SRRM4: variants seen among roughly 807,000 people sequenced by gnomAD.
SRRM4 encodes serine/arginine repetitive matrix protein 4.
In SRRM4, 33 loss-of-function variants were observed where a neutral mutation model predicts 68.9. That is an observed-to-expected ratio of 0.48 (90% CI 0.36 to 0.64). The LOEUF (loss-of-function observed/expected upper bound fraction) is 0.64. SRRM4 is among the 30% of genes least tolerant of loss of function. SRRM4 has a pLI of 0.00. For synonymous variants in SRRM4, 318 were observed against 318.8 expected (o/e 1.00, Z 0.03); for missense variants, 817 against 827.1 (o/e 0.99, Z 0.15).
chr12:119,089,922 T>G (rs997736660), intron 1 of SRRM4, among the ~76,000 whole-genome samples: 4 of 152,252 alleles, frequency 2.6e-5, no homozygotes, highest in African/African-American at 9.6e-5. Context: ...TTAACATCTC[T>G]GATAACATTT....
chr12:119,133,242 T>A lies in SRRM4; in HGVS notation c.771+2408T>A, dbSNP rs200113737. 2.6e-5 allele frequency: 4 copies of A among 152,262 alleles called. No homozygotes were observed. The East Asian group carries it at 7.7e-4, about 29-fold the overall frequency. 9.4% of individuals were successfully genotyped at this position (152,262 alleles called of 1,614,324 possible). On this transcript the variant is annotated intron_variant, in intron 8 of 12. Transcript: ENST00000267260. ...GTTTTAGAGTATAACAGGCAAGAAG[T>A]AAATGCTGCATAATGCTTACTGCTT... is the stretch of plus-strand genomic sequence containing the variant.
chr12:119,063,955 T>C (rs757544487), intron 1 of SRRM4, among the ~76,000 whole-genome samples: 1 of 152,142 alleles, frequency 6.6e-6, no homozygotes, highest in Non-Finnish European at 1.5e-5. Flanking sequence ...CATACCATGA[T>C]CCTGGGCTAT....
In SRRM4 at chr12:119,125,452, A is replaced by G; in HGVS notation, c.587A>G (p.Glu196Gly). Residue 196 changes from glutamate to glycine, a missense_variant, in exon 7 of 13, where the codon GAG (glutamate) becomes GGG (glycine). By Grantham distance (98) the Glu-to-Gly change is moderately conservative (BLOSUM62 -2). Transcript: ENST00000267260. ...TGCCCCTCGCGGTCCCAGAGCTCGG[A>G]GTCCCGCCCCTCAAGCTGTGAGAGC... The part of the protein sequence containing the change: ...HRCPSRSQSS[E>G]SRPSSCESRH... The G allele has an allele frequency of 1.9e-6, 3 of 1,611,944 alleles. No homozygotes were observed. Among genetic ancestry groups the G allele is most frequent in the Non-Finnish European group, 1.7e-6 (2 of 1,179,346 alleles).
At chr12:119,038,894 G>A (rs936153936) in intron 1 of SRRM4, among the ~76,000 whole-genome samples, 1 of 152,202 alleles carries the variant, frequency 6.6e-6, no homozygotes, top group African/African-American at 2.4e-5. Flanking sequence ...ACGGGAGCCA[G>A]AGGGATGCAG....
intron 1 of SRRM4, 93 bp from the exon 2 acceptor site, chr12:119,102,143 C>A: frequency 7.8e-7 from 1 of 1,285,086 alleles, no homozygotes; most frequent in Non-Finnish European, 1.1e-6. Context: ...GTAAGGGAAG[C>A]TGGGAAATAC....
At chr12:119,103,769 G>A (rs187722729) in intron 2 of SRRM4, among the ~76,000 whole-genome samples, 4 of 152,288 alleles carry the variant, frequency 2.6e-5, no homozygotes, top group Admixed American at 6.5e-5. Context: ...TTGGAAGGCC[G>A]AGGTGGGAGG....
At chr12:119,129,999 GGA>G (rs1954285077) in intron 7 of SRRM4, among the ~76,000 whole-genome samples, 1 of 151,418 alleles carries the variant, frequency 6.6e-6, no homozygotes, top group Non-Finnish European at 1.5e-5. Context: ...ATGGATGGAT[GGA>G]TGGATGGATG....
intron 1 of SRRM4, among the ~76,000 whole-genome samples, chr12:119,075,941 A>ATGGTGG (rs1953911992): frequency 9.0e-6 from 1 of 110,880 alleles, no homozygotes; most frequent in Non-Finnish European, 2.0e-5. Context: ...GATGGTGATG[A>ATGGTGG]TGATGGTGGT....
Position 119,151,190 on chromosome 12 carries a change from C to A in SRRM4, c.1250C>A (p.Thr417Asn). 1 of 1,614,024 alleles carries A rather than the reference C, an allele frequency of 6.2e-7. No individual in the cohort carries two copies. The highest frequency in any genetic ancestry group is 8.5e-7 in the Non-Finnish European group (1 of 1,179,890). The part of the protein sequence containing the change: ...SPNPRASPRY[T>N]QSRSTSSEKR... ...AATCCCAGGGCTTCCCCCAGGTACA[C>A]CCAAAGCCGATCCACCTCTTCTGAA... Residue 417 changes from threonine to asparagine, a missense_variant, in exon 10 of 13, where the codon ACC (threonine) becomes AAC (asparagine). Thr to Asn is a moderately conservative substitution (Grantham distance 65). Coordinates refer to ENST00000267260, the MANE Select transcript of SRRM4 (RefSeq NM_194286.4).
chr12:119,147,461 T>C (rs1804171343), intron 9 of SRRM4, among the ~76,000 whole-genome samples: 1 of 152,150 alleles, frequency 6.6e-6, no homozygotes, highest in South Asian at 2.1e-4. Flanking sequence ...AACTATAGAC[T>C]CTGGGTGATA....
chr12:119,047,052 G>A (rs1157377825), intron 1 of SRRM4, among the ~76,000 whole-genome samples: 2 of 141,526 alleles, frequency 1.4e-5, no homozygotes. Flanking sequence ...AAAAAAAAGT[G>A]TGGACTCTGT....
chr12:119,108,940 G>A (rs1379822504), intron 2 of SRRM4, among the ~76,000 whole-genome samples: 2 of 152,214 alleles, frequency 1.3e-5, no homozygotes, highest in Non-Finnish European at 2.9e-5. Context: ...AATTTGGCAT[G>A]TTTTTGCAGT....
rs1322272458 is a variant in SRRM4, at chr12:119,020,021, T to C, written c.131+38008T>C. Reference sequence around the variant, plus strand: ...CTGCTGCTTAACCGTACAGCACCTTTGTATGAATTAGGGAAGAGATTTGCT... The same window carrying C: ...CTGCTGCTTAACCGTACAGCACCTTCGTATGAATTAGGGAAGAGATTTGCT... On this transcript the variant is annotated intron_variant, in intron 1 of 12. Transcript: ENST00000267260. Among the ~76,000 whole-genome samples, 4 of 135,848 alleles carry C rather than the reference T, an allele frequency of 2.9e-5. No individual in the cohort carries two copies. The Admixed American group carries it at 3.4e-4, about 12-fold the overall frequency. The allele number at this position is 135,848 out of a possible 152,430, so 89.1% of individuals were successfully genotyped here. A position where few individuals can be genotyped will look rare whatever the true frequency, so the allele number is the denominator to read the frequency against.
chr12:119,007,060 C>A (rs1953420869), intron 1 of SRRM4, among the ~76,000 whole-genome samples: 1 of 152,204 alleles, frequency 6.6e-6, no homozygotes, highest in Admixed American at 6.5e-5. Context: ...ACCCTTCCCT[C>A]CCCAGCAGCC....
At chr12:119,125,311 A>T in intron 6 of SRRM4, 70 bp from the exon 7 acceptor site, 2 of 1,384,578 alleles carry the variant, frequency 1.4e-6, no homozygotes, top group Non-Finnish European at 2.0e-6. Flanking sequence ...TCACAAGATC[A>T]AATCTCTCAC....
At position 119,154,874 on chromosome 12, in the gene SRRM4, G is replaced by A. The variant is rs555938248; in HGVS notation, c.1532+491G>A. On this transcript the variant is annotated intron_variant, in intron 12 of 12. Coordinates refer to ENST00000267260, the MANE Select transcript of SRRM4 (RefSeq NM_194286.4). This position sits in a 1 kb window ranked among gnomAD's most constrained non-coding sequence, Gnocchi z 4.7. ...GTAATTATACCTTGAACCAAGTGTG[G>A]AAAGGACAAACAGGATTGCTTAGTT... Among the ~76,000 whole-genome samples the A allele has an allele frequency of 3.9e-5, 6 of 152,318 alleles. No individual in the cohort carries two copies. In the East Asian group the frequency reaches 5.8e-4, roughly 15 times the overall value.
chr12:119,139,266 C>T (rs1954349752), intron 8 of SRRM4, among the ~76,000 whole-genome samples: 1 of 152,088 alleles, frequency 6.6e-6, no homozygotes. Context: ...CCATGGGAGG[C>T]CCCTTTTTCA....
intron 1 of SRRM4, among the ~76,000 whole-genome samples, chr12:118,982,964 A>T (rs1463962580): frequency 6.6e-6 from 1 of 152,160 alleles, no homozygotes; most frequent in Non-Finnish European, 1.5e-5. Flanking sequence ...TCAAGGTAGT[A>T]TGAAAACTCA....
At chr12:119,145,885 T>C (rs1319597040) in intron 9 of SRRM4, among the ~76,000 whole-genome samples, 200 bp downstream of exon 9, 3 of 152,172 alleles carry the variant, frequency 2.0e-5, no homozygotes, top group Non-Finnish European at 2.9e-5. Flanking sequence ...TTCAAAAATA[T>C]GTTGCTGGAA....
Sources: gnomAD v4.1 joint callset for allele counts (sites outside exome capture counted in the v4.1 genomes callset) on GRCh38, gnomAD v4.1.1 for gene constraint, Gnocchi (gnomAD v3.1) non-coding constraint, MANE v1.5 for transcripts, NCBI Gene and HGNC (gene_info 2026-07-23, HGNC 2026-07-21) for gene names.